Variants in ALK observed in about 807,000 individuals in gnomAD.
ALK encodes the protein ALK tyrosine kinase receptor.
A neutral mutation model predicts 163.1 loss-of-function variants in ALK; 74 were observed. The observed-to-expected ratio is 0.45, with a 90% CI of 0.38 to 0.55. The LOEUF (loss-of-function observed/expected upper bound fraction) is 0.55, where lower values mean the gene tolerates loss of function less well. ALK is among the 20% of genes least tolerant of loss of function. ALK has a pLI of 0.00. For missense variants in ALK, 2,063 were observed against 2,105.3 expected, an observed-to-expected ratio of 0.98 and a Z score of 0.39; for synonymous variants, 960 against 843.2, an observed-to-expected ratio of 1.14 and a Z score of -2.40.
At position 29,565,027 on chromosome 2, in the gene ALK, C is replaced by T. The variant is rs76783769; in HGVS notation, c.953-32911G>A. On this transcript the variant is annotated intron_variant, in intron 3 of 28. Transcript: ENST00000389048. ...AAAAAAGCAGAACAAAAAATAATAT[C>T]GACAATAACCACAGCTTCCATTTGC... is the stretch of plus-strand genomic sequence containing the variant. 5.1e-3 allele frequency among the ~76,000 whole-genome samples: 783 copies of T among 152,260 alleles called. 12 individuals carry two copies. The highest frequency in any genetic ancestry group is 0.018 in the African/African-American group (746 of 41,536).
At position 29,517,040 on chromosome 2, in the gene ALK, A is replaced by C. The variant is rs565849912; in HGVS notation, c.1154+14875T>G. Among the ~76,000 whole-genome samples, 3 of 149,250 alleles carry C rather than the reference A, an allele frequency of 2.0e-5. No individual in the cohort carries two copies. In the South Asian group the frequency reaches 6.3e-4, roughly 31 times the overall value. ...CTGCCCAGTCAACAAAAATTTATTG[A>C]ATACTTCTTCTGTGTCAGGCACTCT... On this transcript the variant is annotated intron_variant, in intron 4 of 28. Transcript: ENST00000389048.
chr2:29,276,820 T>C (rs1253033969), intron 9 of ALK, among the ~76,000 whole-genome samples: 1 of 152,172 alleles, frequency 6.6e-6, no homozygotes, highest in African/African-American at 2.4e-5. Flanking sequence ...AGTGGTTGTC[T>C]GGGGCTGGGA....
At position 29,737,017 on chromosome 2, in the gene ALK, C is replaced by T. The variant is rs780002941; in HGVS notation, c.668-19320G>A. On this transcript the variant is annotated intron_variant, in intron 1 of 28. Transcript: ENST00000389048. ...AGATTAGAAAGAATTAGATGTTTAA[C>T]GGTATGTGATAGGTTGCATATACTT... Among the ~76,000 whole-genome samples, 9 of 152,140 alleles carry T rather than the reference C, an allele frequency of 5.9e-5. 1 individual carries two copies. Among genetic ancestry groups the T allele is most frequent in the African/African-American group, 9.7e-5 (4 of 41,448 alleles).
At chr2:29,482,433 AT>A (rs963931024) in intron 4 of ALK, among the ~76,000 whole-genome samples, 12 of 152,198 alleles carry the variant, frequency 7.9e-5, no homozygotes, top group African/African-American at 2.7e-4. Context: ...AAAGATGCCT[AT>A]GCCTACATCT....
intron 4 of ALK, among the ~76,000 whole-genome samples, chr2:29,492,734 G>GT (rs1354771234): frequency 1.3e-5 from 2 of 152,200 alleles, no homozygotes; most frequent in East Asian, 3.8e-4. Flanking sequence ...GGGTTTGTTT[G>GT]TCTAAGCTAG....
At chr2:29,854,138 T>C (rs1379053218) in intron 1 of ALK, among the ~76,000 whole-genome samples, 1 of 152,134 alleles carries the variant, frequency 6.6e-6, no homozygotes, top group Non-Finnish European at 1.5e-5. Flanking sequence ...TCGCACGTCA[T>C]TGATCATGTT....
At chr2:29,750,786 C>T (rs1341162151) in intron 1 of ALK, among the ~76,000 whole-genome samples, 2 of 151,156 alleles carry the variant, frequency 1.3e-5, no homozygotes, top group African/African-American at 2.4e-5. Flanking sequence ...TGACAGAGGC[C>T]GGGCGTGGTG....
chr2:29,389,683 T>A (rs1211391939), intron 4 of ALK, among the ~76,000 whole-genome samples: 2 of 152,238 alleles, frequency 1.3e-5, no homozygotes, highest in Non-Finnish European at 2.9e-5. Context: ...TCAAAATTTA[T>A]ATTGCAGTGG....
intron 4 of ALK, among the ~76,000 whole-genome samples, chr2:29,439,343 TCTTA>T (rs1224409331): frequency 4.6e-5 from 7 of 152,224 alleles, no homozygotes; most frequent in Non-Finnish European, 1.0e-4. Context: ...TGCTTATAGC[TCTTA>T]CTTGACTATT....
chr2:29,221,586 G>A (rs1669806224), intron 22 of ALK, among the ~76,000 whole-genome samples: 1 of 152,188 alleles, frequency 6.6e-6, no homozygotes, highest in Non-Finnish European at 1.5e-5. Context: ...TTCATAATCA[G>A]GAATTATATG....
chr2:29,905,631 G>A (rs1420626537), intron 1 of ALK, among the ~76,000 whole-genome samples: 2 of 151,410 alleles, frequency 1.3e-5, no homozygotes, highest in Non-Finnish European at 2.9e-5. Context: ...AGGAAGGAAG[G>A]GAGGGAGAGA....
intron 12 of ALK, among the ~76,000 whole-genome samples, chr2:29,247,730 G>T (rs566299912): frequency 6.6e-6 from 1 of 152,214 alleles, no homozygotes; most frequent in South Asian, 2.1e-4. Flanking sequence ...GGTAGCATTC[G>T]CTCCCTTCCC....
intron 1 of ALK, among the ~76,000 whole-genome samples, chr2:29,887,362 G>A (rs1667011368): frequency 6.6e-6 from 1 of 152,188 alleles, no homozygotes. Context: ...GTATCTCAGA[G>A]CACTTGGAAG....
At chr2:29,763,634 C>T (rs1355200488) in intron 1 of ALK, among the ~76,000 whole-genome samples, 2 of 152,186 alleles carry the variant, frequency 1.3e-5, no homozygotes, top group Non-Finnish European at 2.9e-5. Context: ...TGAAGGGAAA[C>T]TAGAGTGCCT....
chr2:29,474,958 G>A (rs76075130), intron 4 of ALK, among the ~76,000 whole-genome samples: 1,564 of 152,278 alleles, frequency 0.01, 35 homozygotes, highest in African/African-American at 0.034. Flanking sequence ...CCCAGGCACT[G>A]GTGTTCACTT....
chr2:29,263,868 AAT>A (rs1236558926), intron 11 of ALK, among the ~76,000 whole-genome samples: 1 of 152,198 alleles, frequency 6.6e-6, no homozygotes, highest in Non-Finnish European at 1.5e-5. Context: ...TCATCTATAA[AAT>A]AGTTTTTGTT....
chr2:29,297,082 G>A (rs2148231337), intron 8 of ALK, 25 bp from the exon 9 acceptor site: 1 of 1,614,086 alleles, frequency 6.2e-7, no homozygotes, highest in East Asian at 2.2e-5. Context: ...AGAGTCAGAG[G>A]ACAAGGTATG....
At chr2:29,492,506 T>C (rs183089765) in intron 4 of ALK, among the ~76,000 whole-genome samples, 13 of 152,252 alleles carry the variant, frequency 8.5e-5, no homozygotes, top group Non-Finnish European at 1.5e-4. Flanking sequence ...AGACTCCATA[T>C]CGTCCCACAC....
chr2:29,562,865 AAC>A (rs1674066588), intron 3 of ALK, among the ~76,000 whole-genome samples: 1 of 152,228 alleles, frequency 6.6e-6, no homozygotes, highest in Non-Finnish European at 1.5e-5. Context: ...CAGAGGGCTT[AAC>A]AGATTCGAAA....
Sources: allele counts gnomAD v4.1 joint callset (sites outside exome capture counted in the v4.1 genomes callset), GRCh38; gene constraint gnomAD v4.1.1; transcripts MANE v1.5; gene names NCBI Gene and HGNC (gene_info 2026-07-23, HGNC 2026-07-21).